The following CPEB3 variants were observed in gnomAD, a reference collection of about 807,000 sequenced individuals.
CPEB3 encodes the protein cytoplasmic polyadenylation element binding protein 3.
Under a neutral mutation model 67.2 loss-of-function variants are expected in CPEB3, and 20 were observed. The ratio of observed to expected loss-of-function variants is 0.30; its 90% confidence interval spans 0.21 to 0.43. The LOEUF is 0.43. CPEB3 is among the 20% of genes least tolerant of loss of function. The pLI is 1.00. For missense variants in CPEB3, 746 were observed against 968.6 expected (o/e 0.77, Z 3.05); for synonymous variants, 376 against 393.1 (o/e 0.96, Z 0.51).
At chr10:92,185,558 T>C (rs1848649389) in intron 3 of CPEB3, among the ~76,000 whole-genome samples, 1 of 152,188 alleles carries the variant, frequency 6.6e-6, no homozygotes, top group South Asian at 2.1e-4. Flanking sequence ...AAATAAAAAC[T>C]GAAATTTTCA....
At chr10:92,287,188 G>A (rs934373743) in intron 1 of CPEB3, among the ~76,000 whole-genome samples, 1 of 151,602 alleles carries the variant, frequency 6.6e-6, no homozygotes, top group Non-Finnish European at 1.5e-5. Flanking sequence ...GAGTGCAGTG[G>A]TGCGATCTCA....
chr10:92,123,990 C>T (rs1845505380), intron 6 of CPEB3, among the ~76,000 whole-genome samples: 2 of 152,214 alleles, frequency 1.3e-5, no homozygotes, highest in African/African-American at 4.8e-5. Context: ...TATCTAACTA[C>T]TGTCAGCAAG....
At chr10:92,250,883 T>G (rs1284745551) in intron 1 of CPEB3, among the ~76,000 whole-genome samples, 1 of 135,090 alleles carries the variant, frequency 7.4e-6, no homozygotes, top group Non-Finnish European at 1.6e-5. Flanking sequence ...TTTTTTTTTT[T>G]GTATCTTTAA....
At chr10:92,091,694 C>T (rs1590114978) in intron 8 of CPEB3, 136 bp downstream of exon 8, 1 of 560,218 alleles carries the variant, frequency 1.8e-6, no homozygotes, top group East Asian at 3.2e-5. Flanking sequence ...TGAAAAAGCT[C>T]AGTGAAAATG....
chr10:92,231,541 C>T (rs1050729686), intron 2 of CPEB3, among the ~76,000 whole-genome samples: 8 of 152,172 alleles, frequency 5.3e-5, no homozygotes, highest in African/African-American at 1.2e-4. Flanking sequence ...CCTCCATTTT[C>T]GCAGACTGAG....
At chr10:92,081,697 G>A (rs1843159565) in intron 8 of CPEB3, among the ~76,000 whole-genome samples, 196 bp from the exon 9 acceptor site, 2 of 151,922 alleles carry the variant, frequency 1.3e-5, no homozygotes, top group South Asian at 4.1e-4. Flanking sequence ...GAAATAAAAT[G>A]GAAAAAAAAT....
intron 2 of CPEB3, among the ~76,000 whole-genome samples, chr10:92,227,050 T>C (rs1241085087): frequency 6.6e-6 from 1 of 152,238 alleles, no homozygotes; most frequent in African/African-American, 2.4e-5. Flanking sequence ...TTGCACAGTA[T>C]GGGCACTTTG....
chr10:92,081,814 C>T (rs1843164357), intron 8 of CPEB3, among the ~76,000 whole-genome samples: 1 of 152,146 alleles, frequency 6.6e-6, no homozygotes. Flanking sequence ...ATTGCTTAGT[C>T]CAATGGAATG....
rs1026342928 is a variant in CPEB3 at position 92,114,086 on chromosome 10, C to T, written c.1454-2892G>A. On this transcript the variant is annotated intron_variant, in intron 6 of 9. Transcript: ENST00000265997. ...TTCTCTCAGCACTGTAGATAAGAGA[C>T]ATGGCTAAACTCCCCCCAACCCCCC... Among the ~76,000 whole-genome samples the T allele has an allele frequency of 5.9e-5, 9 of 152,252 alleles. No homozygotes were observed. The East Asian group carries it at 1.7e-3, about 29-fold the overall frequency.
At chr10:92,220,485 CCCCACCCCCAT>C (rs758318291) in intron 2 of CPEB3, among the ~76,000 whole-genome samples, 12 of 150,230 alleles carry the variant, frequency 8.0e-5, no homozygotes, top group South Asian at 2.1e-4. Flanking sequence ...GCCTTCCCCA[CCCCACCCCCAT>C]CCCACCCAGA....
At chr10:92,203,381 T>G (rs901687687) in intron 2 of CPEB3, among the ~76,000 whole-genome samples, 1 of 147,490 alleles carries the variant, frequency 6.8e-6, no homozygotes, top group African/African-American at 2.5e-5. Context: ...TATGTATATA[T>G]GTATGTGTAT....
intron 9 of CPEB3, among the ~76,000 whole-genome samples, chr10:92,061,788 A>C (rs1238871377): frequency 1.3e-5 from 2 of 152,244 alleles, no homozygotes; most frequent in Non-Finnish European, 2.9e-5. Context: ...GGGTGACTAT[A>C]GTCAATAATA....
intron 2 of CPEB3, among the ~76,000 whole-genome samples, chr10:92,206,950 T>C (rs1382210895): frequency 2.6e-5 from 4 of 152,134 alleles, no homozygotes; most frequent in African/African-American, 4.8e-5. Flanking sequence ...TTCAGCTTAA[T>C]GAATAAGAAA....
intron 6 of CPEB3, among the ~76,000 whole-genome samples, chr10:92,136,400 C>T (rs939577202): frequency 1.3e-5 from 2 of 152,056 alleles, no homozygotes; most frequent in African/African-American, 4.8e-5. Flanking sequence ...AGTGAAGAGA[C>T]AACCCACAGA....
At chr10:92,056,166 T>TG (rs1842104519) in intron 9 of CPEB3, among the ~76,000 whole-genome samples, 1 of 152,192 alleles carries the variant, frequency 6.6e-6, no homozygotes, top group South Asian at 2.1e-4. Context: ...CTCCTGCACC[T>TG]GTTCATGAGG....
intron 2 of CPEB3, among the ~76,000 whole-genome samples, chr10:92,223,650 C>G (rs951379318): frequency 6.7e-6 from 1 of 149,770 alleles, no homozygotes; most frequent in Non-Finnish European, 1.5e-5. Context: ...CTCGGATCAC[C>G]GCAACCTCCG....
intron 2 of CPEB3, among the ~76,000 whole-genome samples, chr10:92,222,158 C>T (rs1850733851): frequency 6.6e-6 from 1 of 151,762 alleles, no homozygotes; most frequent in Admixed American, 6.6e-5. Context: ...GAATTGCAAG[C>T]TTACCTAGAG....
chr10:92,092,901 C>A (rs1021737457), intron 7 of CPEB3, among the ~76,000 whole-genome samples: 2 of 152,012 alleles, frequency 1.3e-5, no homozygotes, highest in African/African-American at 4.8e-5. Flanking sequence ...AAAAAGAAAT[C>A]TTTATGGCAT....
intron 1 of CPEB3, among the ~76,000 whole-genome samples, chr10:92,289,276 C>T (rs1167666330): frequency 6.7e-6 from 1 of 150,218 alleles, no homozygotes; most frequent in Non-Finnish European, 1.5e-5. Flanking sequence ...GGTGGCTCGC[C>T]CCTGTAATCC....
Sources: gnomAD v4.1 joint callset for allele counts (sites outside exome capture counted in the v4.1 genomes callset) on GRCh38, gnomAD v4.1.1 for gene constraint, MANE v1.5 for transcripts, NCBI Gene and HGNC (gene_info 2026-07-23, HGNC 2026-07-21) for gene names.